Variants in UBE2D3 observed in about 807,000 individuals in gnomAD.
UBE2D3 encodes ubiquitin-conjugating enzyme E2 D3.
Under a neutral mutation model 22.8 loss-of-function variants are expected in UBE2D3, and 2 were observed. That is an observed-to-expected ratio of 0.09 (90% CI 0.04 to 0.28). UBE2D3 has a LOEUF of 0.28. UBE2D3 is among the 10% of genes least tolerant of loss of function. The probability of loss-of-function intolerance (pLI) is 1.00; values close to 1 mark genes in which losing one functional copy is unlikely to be tolerated. For synonymous variants in UBE2D3, 56 were observed against 60.4 expected (o/e 0.93, Z 0.34); for missense variants, 27 against 182.5 (o/e 0.15, Z 4.91).
intron 1 of UBE2D3, among the ~76,000 whole-genome samples, chr4:102,848,882 T>C (rs950291551): frequency 1.3e-5 from 2 of 151,796 alleles, no homozygotes; most frequent in African/African-American, 4.8e-5. Flanking sequence ...TCTTTCCTTA[T>C]AGGAACGAGG....
At chr4:102,803,707 A>G (rs1434175702) in intron 4 of UBE2D3, among the ~76,000 whole-genome samples, 1 of 152,240 alleles carries the variant, frequency 6.6e-6, no homozygotes, top group Non-Finnish European at 1.5e-5. Context: ...ACGAGTTCAA[A>G]GAAGAAAGGT....
At chr4:102,829,967 G>C (rs1731029593), upstream of UBE2D3, among the ~76,000 whole-genome samples, 1 of 152,162 alleles carries the variant, frequency 6.6e-6, no homozygotes, top group South Asian at 2.1e-4. Flanking sequence ...TGGAGTTCTA[G>C]ATTATCCATG....
At chr4:102,846,303 G>A (rs1371525356) in intron 1 of UBE2D3, among the ~76,000 whole-genome samples, 4 of 152,168 alleles carry the variant, frequency 2.6e-5, no homozygotes, top group Non-Finnish European at 5.9e-5. Flanking sequence ...TGGCTAAGGA[G>A]CCTTTGTGTT....
chr4:102,841,452 A>T (rs1236912205), intron 1 of UBE2D3, among the ~76,000 whole-genome samples: 2 of 152,104 alleles, frequency 1.3e-5, no homozygotes, highest in African/African-American at 2.4e-5. Context: ...ACTTAAGTGA[A>T]TATATTTTTC....
chr4:102,862,344 A>T (rs979325887), intron 1 of UBE2D3, among the ~76,000 whole-genome samples: 8 of 151,898 alleles, frequency 5.3e-5, no homozygotes, highest in African/African-American at 1.4e-4. Flanking sequence ...TTCTTTTTTT[A>T]AAAAAATTGA....
intron 2 of UBE2D3, among the ~76,000 whole-genome samples, chr4:102,819,885 CTATT>C (rs1333285487): frequency 1.3e-5 from 2 of 152,204 alleles, no homozygotes; most frequent in Admixed American, 6.5e-5. Context: ...ATTTGAGAGT[CTATT>C]TCTTTCAGAA....
rs530655570 is a variant in UBE2D3, at chr4:102,796,043, C to A, written c.*1372G>T. ...AAATGATATCTGTTGCATTTAAATGCTCATTAATGTAAATGGCTGAACAAA... is the reference window on the plus strand; with the variant it reads ...AAATGATATCTGTTGCATTTAAATGATCATTAATGTAAATGGCTGAACAAA... On this transcript the variant is annotated 3_prime_UTR_variant, in exon 8 of 8. Coordinates refer to ENST00000453744, the MANE Select transcript of UBE2D3 (RefSeq NM_181891.3). 1 of 152,408 alleles carries A rather than the reference C, an allele frequency of 6.6e-6. No homozygotes were observed. Among genetic ancestry groups the A allele is most frequent in the East Asian group, 1.9e-4 (1 of 5,202 alleles). 9.4% of individuals were successfully genotyped at this position (152,408 alleles called of 1,614,324 possible).
chr4:102,859,973 G>A (rs1391709719), intron 1 of UBE2D3, among the ~76,000 whole-genome samples: 3 of 151,898 alleles, frequency 2.0e-5, no homozygotes, highest in Non-Finnish European at 2.9e-5. Flanking sequence ...AGCCTCCTGA[G>A]TAGCTGGGAC....
chr4:102,814,609 C>T (rs901907431), intron 2 of UBE2D3, among the ~76,000 whole-genome samples: 13 of 151,868 alleles, frequency 8.6e-5, no homozygotes, highest in African/African-American at 2.4e-4. Context: ...GGCCTGCAGT[C>T]TTACTTTTAA....
intron 1 of UBE2D3, among the ~76,000 whole-genome samples, chr4:102,843,168 C>A (rs1345120838): frequency 6.6e-6 from 1 of 152,098 alleles, no homozygotes; most frequent in African/African-American, 2.4e-5. Context: ...TCCTGTAGAC[C>A]CAATGATATT....
In UBE2D3 at chr4:102,804,020, C is replaced by T. The variant is rs560693293; in HGVS notation, c.121-1382G>A. On this transcript the variant is annotated intron_variant, in intron 4 of 7. Coordinates refer to ENST00000453744, the MANE Select transcript of UBE2D3 (RefSeq NM_181891.3). ...TCCTGACCTTGTGATCCACCCATCT[C>T]GGCCTCCCAAAATGTGCTGATTATA... Among the ~76,000 whole-genome samples, 4 of 152,200 alleles carry T rather than the reference C, an allele frequency of 2.6e-5. No individual in the cohort carries two copies. In the South Asian group the frequency reaches 8.3e-4, roughly 32 times the overall value.
rs1255751181 is a variant in UBE2D3 at position 102,801,576 on chromosome 4, T to A, written c.199-17A>T. The A allele has an allele frequency of 1.2e-5, 18 of 1,559,686 alleles. No individual in the cohort carries two copies. Among genetic ancestry groups the A allele is most frequent in the Non-Finnish European group, 1.6e-5 (18 of 1,144,230 alleles). On this transcript the variant is annotated splice_polypyrimidine_tract_variant and intron_variant, in intron 5 of 7. Transcript: ENST00000453744. ...AAATGCAACCTAAAACAAAAACTTT[T>A]AAGTATTTTATTCAAATAAAAACAA... is the stretch of plus-strand genomic sequence containing the variant.
chr4:102,816,807 T>C (rs1383068171), intron 2 of UBE2D3, among the ~76,000 whole-genome samples: 1 of 152,208 alleles, frequency 6.6e-6, no homozygotes, highest in African/African-American at 2.4e-5. Context: ...AAACATTCAT[T>C]CATTCATAGG....
chr4:102,826,629 A>ACAGG lies in UBE2D3; in HGVS notation c.-125_-122dup. On this transcript the variant is annotated 5_prime_UTR_variant, in exon 2 of 8. Transcript: ENST00000453744. ...TCGTCTCACACCAGCTCTGCCAGAC[A>ACAGG]CAGGCGCCTTTTGCAAAAACGGAGC... is the stretch of plus-strand genomic sequence containing the variant. The ACAGG allele has an allele frequency of 6.3e-7, 1 of 1,579,602 alleles. No individual in the cohort carries two copies. Among genetic ancestry groups the ACAGG allele is most frequent in the Non-Finnish European group, 8.5e-7 (1 of 1,171,098 alleles).
upstream of UBE2D3, among the ~76,000 whole-genome samples, chr4:102,830,952 G>C (rs1731082981): frequency 6.6e-6 from 1 of 152,136 alleles, no homozygotes; most frequent in African/African-American, 2.4e-5. Context: ...TTTTCAGTGA[G>C]GCCACGTTAT....
At chr4:102,860,866 G>C (rs1276108650) in intron 1 of UBE2D3, among the ~76,000 whole-genome samples, 1 of 151,836 alleles carries the variant, frequency 6.6e-6, no homozygotes. Flanking sequence ...CTTGTCAGTT[G>C]AGGGGTTCTG....
chr4:102,845,193 G>A (rs556515976), intron 1 of UBE2D3, among the ~76,000 whole-genome samples: 2 of 152,066 alleles, frequency 1.3e-5, no homozygotes, highest in African/African-American at 4.8e-5. Context: ...TCCAGCCTGG[G>A]TGACAACAGA....
upstream of UBE2D3, chr4:102,827,580 C>CCCTCCT: frequency 1.0e-6 from 1 of 987,172 alleles, no homozygotes; most frequent in African/African-American, 1.7e-5. Context: ...CCGCCCCTCC[C>CCCTCCT]CCTCCTCCTG....
chr4:102,865,296 A>T (rs1733092343), intron 1 of UBE2D3, among the ~76,000 whole-genome samples: 1 of 152,128 alleles, frequency 6.6e-6, no homozygotes, highest in African/African-American at 2.4e-5. Context: ...GTTCAAGACC[A>T]GCCTGGCAAA....
Sources: gnomAD v4.1 joint callset for allele counts (sites outside exome capture counted in the v4.1 genomes callset) on GRCh38, gnomAD v4.1.1 for gene constraint, MANE v1.5 for transcripts, NCBI Gene and HGNC (gene_info 2026-07-23, HGNC 2026-07-21) for gene names.